Variants in CNTNAP5 observed in about 807,000 individuals in gnomAD.
CNTNAP5 encodes the protein contactin-associated protein-like 5.
Under a neutral mutation model 150.2 loss-of-function variants are expected in CNTNAP5, and 72 were observed. The ratio of observed to expected loss-of-function variants is 0.48; its 90% CI spans 0.40 to 0.58. The LOEUF (loss-of-function observed/expected upper bound fraction) is 0.58, where lower values mean the gene tolerates loss of function less well. CNTNAP5 is among the 20% of genes least tolerant of loss of function. The pLI is 0.00. For missense variants in CNTNAP5, 1,636 were observed against 1,626.2 expected (o/e 1.01, Z -0.10); for synonymous variants, 672 against 619.8 (o/e 1.08, Z -1.25).
intron 19 of CNTNAP5, among the ~76,000 whole-genome samples, chr2:124,840,388 G>A (rs1455667135): frequency 6.6e-6 from 1 of 152,058 alleles, no homozygotes; most frequent in Non-Finnish European, 1.5e-5. Flanking sequence ...TCTCGCCATT[G>A]CATACTGCCT....
intron 1 of CNTNAP5, among the ~76,000 whole-genome samples, chr2:124,191,060 A>AT (rs1685446804): frequency 6.6e-6 from 1 of 152,200 alleles, no homozygotes; most frequent in South Asian, 2.1e-4. Context: ...AAAGCTGTAA[A>AT]TATATACCTA....
At chr2:124,239,881 T>C (rs1386527130) in intron 2 of CNTNAP5, among the ~76,000 whole-genome samples, 3 of 152,172 alleles carry the variant, frequency 2.0e-5, no homozygotes, top group Non-Finnish European at 4.4e-5. Context: ...TGTGAATATG[T>C]TGAGGAAGAC....
chr2:124,799,266 C>T lies in CNTNAP5; in HGVS notation c.3217+946C>T, dbSNP rs754603141. On this transcript the variant is annotated intron_variant, in intron 19 of 23. Transcript: ENST00000682447. ...TGAGAGTGATAAGCAAGGTGGAATACACTTCATGCAAGGAATGGTGAACGA... is the reference window on the plus strand; with the variant it reads ...TGAGAGTGATAAGCAAGGTGGAATATACTTCATGCAAGGAATGGTGAACGA... Among the ~76,000 whole-genome samples, 8 of 152,256 alleles carry T rather than the reference C, an allele frequency of 5.3e-5. No homozygotes were observed. In the East Asian group the frequency reaches 1.5e-3, roughly 29 times the overall value.
At chr2:124,059,380 A>G (rs1681941907) in intron 1 of CNTNAP5, among the ~76,000 whole-genome samples, 1 of 152,302 alleles carries the variant, frequency 6.6e-6, no homozygotes, top group South Asian at 2.1e-4. Flanking sequence ...AAATGTCTAC[A>G]AAAAAGCTGT....
At chr2:124,106,482 C>T (rs892536518) in intron 1 of CNTNAP5, among the ~76,000 whole-genome samples, 2 of 152,086 alleles carry the variant, frequency 1.3e-5, no homozygotes, top group African/African-American at 2.4e-5. Context: ...TCAAGGATGC[C>T]TATGAAATTA....
At chr2:124,312,450 C>T (rs904097030) in intron 3 of CNTNAP5, among the ~76,000 whole-genome samples, 6 of 152,116 alleles carry the variant, frequency 3.9e-5, no homozygotes, top group Middle Eastern at 3.4e-3. Context: ...ACTCCCCACC[C>T]GCCCCCCGGC....
At chr2:124,177,087 A>G (rs563532140) in intron 1 of CNTNAP5, among the ~76,000 whole-genome samples, 2 of 152,122 alleles carry the variant, frequency 1.3e-5, no homozygotes, top group East Asian at 3.9e-4. Flanking sequence ...ACCTCAGGTG[A>G]TCCGCTCGCC....
At chr2:124,180,769 A>G (rs1419166309) in intron 1 of CNTNAP5, among the ~76,000 whole-genome samples, 12 of 138,854 alleles carry the variant, frequency 8.6e-5, no homozygotes, top group Non-Finnish European at 1.9e-4. Context: ...AGGAAATGAA[A>G]GCCCCCCCAA....
At chr2:124,556,306 G>A (rs1485601010) in intron 10 of CNTNAP5, among the ~76,000 whole-genome samples, 1 of 152,036 alleles carries the variant, frequency 6.6e-6, no homozygotes, top group Non-Finnish European at 1.5e-5. Context: ...TACCATTAAA[G>A]CAACATCCCA....
At chr2:124,753,771 T>C (rs1680779657) in intron 14 of CNTNAP5, among the ~76,000 whole-genome samples, 1 of 152,212 alleles carries the variant, frequency 6.6e-6, no homozygotes, top group African/African-American at 2.4e-5. Context: ...GGTAGCTTGA[T>C]TTAGCCATTC....
intron 13 of CNTNAP5, among the ~76,000 whole-genome samples, chr2:124,701,770 G>A (rs769549201): frequency 6.9e-4 from 105 of 152,070 alleles, no homozygotes; most frequent in Non-Finnish European, 1.3e-3. Context: ...GATGAATGAT[G>A]CTGAGCACCT....
At chr2:124,463,624 G>A (rs1693304891) in intron 6 of CNTNAP5, among the ~76,000 whole-genome samples, 1 of 152,222 alleles carries the variant, frequency 6.6e-6, no homozygotes. Flanking sequence ...ACATGGGCCA[G>A]TGTGCTCACT....
At chr2:124,415,944 G>A (rs944456857) in intron 3 of CNTNAP5, among the ~76,000 whole-genome samples, 3 of 152,120 alleles carry the variant, frequency 2.0e-5, no homozygotes, top group Non-Finnish European at 4.4e-5. Flanking sequence ...GAAAATGAAT[G>A]AGCCCAATGC....
chr2:124,108,595 C>A (rs1197280991), intron 1 of CNTNAP5, among the ~76,000 whole-genome samples: 1 of 152,116 alleles, frequency 6.6e-6, no homozygotes, highest in African/African-American at 2.4e-5. Flanking sequence ...AAAATGCCTA[C>A]GTTCCTCTCT....
At chr2:124,257,724 C>G (rs547530470) in intron 3 of CNTNAP5, among the ~76,000 whole-genome samples, 8 of 152,054 alleles carry the variant, frequency 5.3e-5, no homozygotes, top group South Asian at 2.1e-4. Flanking sequence ...AATCCACCCC[C>G]CTCCGCCCCC....
At chr2:124,118,347 A>T (rs2104713330) in intron 1 of CNTNAP5, among the ~76,000 whole-genome samples, 1 of 152,280 alleles carries the variant, frequency 6.6e-6, no homozygotes, top group African/African-American at 2.4e-5. Flanking sequence ...TGCAAACTAT[A>T]AGTCTTGCAT....
At chr2:124,428,965 C>A (rs1692304634) in intron 4 of CNTNAP5, among the ~76,000 whole-genome samples, 1 of 152,160 alleles carries the variant, frequency 6.6e-6, no homozygotes, top group Admixed American at 6.6e-5. Flanking sequence ...TTTCTACACA[C>A]TTTCTTTTTT....
chr2:124,108,085 A>C (rs2104702986), intron 1 of CNTNAP5, among the ~76,000 whole-genome samples: 1 of 152,376 alleles, frequency 6.6e-6, no homozygotes, highest in South Asian at 2.1e-4. Context: ...CATTTGTCTC[A>C]GGTGAGCAGA....
intron 3 of CNTNAP5, among the ~76,000 whole-genome samples, chr2:124,377,757 A>G (rs1201111971): frequency 1.3e-5 from 2 of 152,080 alleles, no homozygotes; most frequent in East Asian, 3.9e-4. Flanking sequence ...GGGAAAAAAA[A>G]TAAATTTTAG....
Sources: gnomAD v4.1 joint callset for allele counts (sites outside exome capture counted in the v4.1 genomes callset) on GRCh38, gnomAD v4.1.1 for gene constraint, MANE v1.5 for transcripts, NCBI Gene and HGNC (gene_info 2026-07-23, HGNC 2026-07-21) for gene names.